Variants in DAB1 observed in about 807,000 individuals in gnomAD.
DAB1 encodes disabled homolog 1.
In DAB1, 15 loss-of-function variants were observed where a neutral mutation model predicts 64.6. The ratio of observed to expected loss-of-function variants is 0.23; its 90% CI spans 0.16 to 0.36. The LOEUF (loss-of-function observed/expected upper bound fraction) is 0.36. Among genes scored for constraint, DAB1 ranks in the 10% least tolerant of loss-of-function variants. DAB1 has a pLI of 1.00. For synonymous variants in DAB1, 235 were observed against 251.9 expected (o/e 0.93, Z 0.64); for missense variants, 596 against 706.7 (o/e 0.84, Z 1.78).
At chr1:57,706,065 T>A (rs1454874702) in intron 6 of DAB1, among the ~76,000 whole-genome samples, 1 of 152,068 alleles carries the variant, frequency 6.6e-6, no homozygotes, top group South Asian at 2.1e-4. Flanking sequence ...TTTGAAATAG[T>A]TACAGATTCA....
chr1:57,953,966 G>A (rs1197246293), intron 5 of DAB1, among the ~76,000 whole-genome samples: 1 of 151,862 alleles, frequency 6.6e-6, no homozygotes, highest in East Asian at 1.9e-4. Flanking sequence ...CTCCCTTTTT[G>A]GTTTTTATTA....
rs72641114 is a variant in DAB1, at chr1:58,099,836, C to T, written n.387+50675G>A. Among the ~76,000 whole-genome samples the T allele has an allele frequency of 0.022, 3,363 of 152,290 alleles. 327 individuals are homozygous for T. In the East Asian group the frequency reaches 0.33, roughly 15 times the overall value. On this transcript the variant is annotated intron_variant and non_coding_transcript_variant, in intron 5 of 20. Coordinates refer to the DAB1 transcript ENST00000485760. ...AAAATAAGTGTGGAACTGAGACTCA[C>T]GTCCAGGACGGGCTCAGTTTTGAAC...
At chr1:57,252,510 T>C (rs1359002629) in intron 2 of DAB1, among the ~76,000 whole-genome samples, 1 of 152,168 alleles carries the variant, frequency 6.6e-6, no homozygotes, top group African/African-American at 2.4e-5. Context: ...AAATGTAAGG[T>C]TTATTGTCCT....
At chr1:57,973,138 A>G (rs1381182426) in intron 5 of DAB1, among the ~76,000 whole-genome samples, 2 of 152,174 alleles carry the variant, frequency 1.3e-5, no homozygotes, top group East Asian at 3.8e-4. Flanking sequence ...AGTAATAGGG[A>G]AATTTGACAC....
At chr1:58,150,151 G>A (rs1290265765) in intron 5 of DAB1, among the ~76,000 whole-genome samples, 1 of 152,096 alleles carries the variant, frequency 6.6e-6, no homozygotes, top group African/African-American at 2.4e-5. Flanking sequence ...ACCTCAGAGA[G>A]GCTAATAAAC....
At chr1:58,530,406 A>C (rs1317564013) in intron 1 of DAB1, among the ~76,000 whole-genome samples, 1 of 152,216 alleles carries the variant, frequency 6.6e-6, no homozygotes, top group Non-Finnish European at 1.5e-5. Context: ...ATCATTTGAG[A>C]GATGTAGTAT....
At chr1:57,485,916 G>T (rs59727725) in intron 7 of DAB1, among the ~76,000 whole-genome samples, 4,184 of 152,146 alleles carry the variant, frequency 0.027, 90 homozygotes, top group East Asian at 0.14. Flanking sequence ...GATATAAGGC[G>T]GCCGTTCACT....
intron 5 of DAB1, among the ~76,000 whole-genome samples, chr1:58,064,679 ATTT>A (rs745846918): frequency 0.14 from 21,946 of 151,950 alleles, 1,752 homozygotes; most frequent in East Asian, 0.31. Flanking sequence ...CCATAGATAA[ATTT>A]TTTTATTTAT....
chr1:58,477,494 A>G (rs573551929), intron 3 of DAB1, among the ~76,000 whole-genome samples: 14 of 152,226 alleles, frequency 9.2e-5, no homozygotes, highest in Non-Finnish European at 1.8e-4. Context: ...GTGTTGACTC[A>G]TACCCATCAT....
chr1:57,946,022 C>T (rs2100218118), intron 5 of DAB1, among the ~76,000 whole-genome samples: 1 of 152,334 alleles, frequency 6.6e-6, no homozygotes, highest in African/African-American at 2.4e-5. Flanking sequence ...CCACAGGCTG[C>T]TACTCCATTT....
rs72061301 is a variant in DAB1, at chr1:58,470,116, C to CTTTA, written n.257+35940_257+35943dup. ...CAAAACAGCAAAGCTGGGACTTTCT[C>CTTTA]TTTATTTATTTATTTATTTATTTAT... On this transcript the variant is annotated intron_variant and non_coding_transcript_variant, in intron 3 of 20. Transcript: ENST00000485760. Among the ~76,000 whole-genome samples the CTTTA allele has an allele frequency of 0.019, 2,718 of 145,048 alleles. 198 individuals carry two copies. The East Asian group carries it at 0.21, about 11-fold the overall frequency.
intron 3 of DAB1, among the ~76,000 whole-genome samples, chr1:58,389,052 G>A (rs1266860662): frequency 6.6e-6 from 1 of 152,222 alleles, no homozygotes; most frequent in Non-Finnish European, 1.5e-5. Context: ...CCTAATAGCA[G>A]TCCAAGGTTC....
At chr1:58,307,105 C>T (rs904885515) in intron 4 of DAB1, among the ~76,000 whole-genome samples, 1 of 152,152 alleles carries the variant, frequency 6.6e-6, no homozygotes, top group African/African-American at 2.4e-5. Flanking sequence ...GTCTATTTTA[C>T]AAATCAAACA....
chr1:57,033,389 C>T (rs566662356), intron 9 of DAB1: 281 of 1,612,876 alleles, frequency 1.7e-4, no homozygotes, highest in African/African-American at 6.4e-4. Context: ...GCCTTACCTT[C>T]GTTGCCTCAA....
chr1:58,074,426 G>C (rs1649463280), intron 5 of DAB1: 1 of 144,640 alleles, frequency 6.9e-6, no homozygotes, highest in Non-Finnish European at 1.5e-5. Context: ...AAGAATAATT[G>C]TAAGTATCCA....
chr1:57,976,213 C>T (rs1345614677), intron 5 of DAB1, among the ~76,000 whole-genome samples: 1 of 152,180 alleles, frequency 6.6e-6, no homozygotes, highest in East Asian at 1.9e-4. Flanking sequence ...TGGGTCAGAA[C>T]TAGCCCATCT....
At chr1:57,564,016 A>T (rs1430592127) in intron 7 of DAB1, among the ~76,000 whole-genome samples, 1 of 152,198 alleles carries the variant, frequency 6.6e-6, no homozygotes, top group African/African-American at 2.4e-5. Context: ...ACCCCTGAGT[A>T]GCCAAACTGG....
At chr1:58,535,595 C>CA (rs11315198) in intron 1 of DAB1, among the ~76,000 whole-genome samples, 12,444 of 95,446 alleles carry the variant, frequency 0.13, 763 homozygotes, top group African/African-American at 0.19. Context: ...GTCTCTGTCT[C>CA]AAAAAAAAAA....
At chr1:57,753,745 T>C (rs1438396073) in intron 6 of DAB1, among the ~76,000 whole-genome samples, 1 of 152,180 alleles carries the variant, frequency 6.6e-6, no homozygotes, top group Non-Finnish European at 1.5e-5. Context: ...TTACTCTTCT[T>C]TCATATTTTA....
Sources: allele counts gnomAD v4.1 joint callset (sites outside exome capture counted in the v4.1 genomes callset), GRCh38; gene constraint gnomAD v4.1.1; transcripts MANE v1.5; gene names NCBI Gene and HGNC (gene_info 2026-07-23, HGNC 2026-07-21).